The following DAGLA variants were observed in gnomAD, a reference collection of about 807,000 sequenced individuals.
The protein encoded by DAGLA is diacylglycerol lipase-alpha.
DAGLA carries 22 observed loss-of-function variants against 102.6 expected under a neutral mutation model. The observed-to-expected ratio is 0.21, with a 90% CI of 0.15 to 0.31. DAGLA has a LOEUF of 0.31. Ranked by LOEUF, DAGLA falls within the 10% of genes least tolerant of loss-of-function variation. The probability of loss-of-function intolerance (pLI) is 1.00; values close to 1 mark genes in which losing one functional copy is unlikely to be tolerated. For missense variants in DAGLA, 927 were observed against 1,446.6 expected (o/e 0.64, Z 5.83); for synonymous variants, 578 against 628.9 (o/e 0.92, Z 1.21).
chr11:61,744,317 TC>T lies in DAGLA; in HGVS notation c.2958del (p.Ser987HisfsTer17). 1.2e-6 allele frequency: 2 copies of T among 1,612,624 alleles called. No individual in the cohort carries two copies. The highest frequency in any genetic ancestry group is 2.7e-5 in the African/African-American group (2 of 74,998). On this transcript the variant is annotated frameshift_variant, in exon 20 of 20. Coordinates refer to ENST00000257215, the MANE Select transcript of DAGLA (RefSeq NM_006133.3). LOFTEE classifies it high-confidence loss of function. ...GGCTCAGCCGACCCCTCCTCGGGCATCTCACTCTCGCCCTCCTTCCCGCTCA... is the reference window on the plus strand; with the variant it reads ...GGCTCAGCCGACCCCTCCTCGGGCATTCACTCTCGCCCTCCTTCCCGCTCA... ...FAGSADPSSG[I>X]SLSPSFPLSS...
At chr11:61,716,574 C>G (rs2065237255) in intron 1 of DAGLA, among the ~76,000 whole-genome samples, 1 of 152,004 alleles carries the variant, frequency 6.6e-6, no homozygotes. Context: ...GGGCTCTGTG[C>G]TGGAGTCTGT....
In DAGLA at chr11:61,741,225, C is replaced by A; in HGVS notation, c.2047C>A (p.Pro683Thr). 6.2e-7 allele frequency: 1 copy of A among 1,613,604 alleles called. No individual in the cohort carries two copies. The highest frequency in any genetic ancestry group is 8.5e-7 in the Non-Finnish European group (1 of 1,180,016). Reference sequence around the variant, plus strand: ...CTCTGCAGCCAAGGTCATGGTGAGCCCTACCGAGGTGGACCTGACTCCTGA... The same window carrying A: ...CTCTGCAGCCAAGGTCATGGTGAGCACTACCGAGGTGGACCTGACTCCTGA... ...LLSAAKVMVS[P>T]TEVDLTPELI... Residue 683 changes from proline (P) to threonine (T), a missense_variant, in exon 19 of 20, where the codon CCT becomes ACT. This residue lies in a region of DAGLA where 218 missense variants were observed against 459.6 expected (regional missense o/e 0.47). Transcript: ENST00000257215.
At chr11:61,742,097 G>A (rs1237145795) in intron 19 of DAGLA, among the ~76,000 whole-genome samples, 1 of 152,166 alleles carries the variant, frequency 6.6e-6, no homozygotes, top group Admixed American at 6.5e-5. Flanking sequence ...ACATATACAA[G>A]GACACATGTG....
At chr11:61,738,835 G>A (rs972384489) in intron 16 of DAGLA, among the ~76,000 whole-genome samples, 3 of 143,190 alleles carry the variant, frequency 2.1e-5, no homozygotes, top group Non-Finnish European at 3.1e-5. Flanking sequence ...CCTGCCCCCC[G>A]CCCCCTGCCC....
Position 61,743,747 on chromosome 11 carries a change from G to T in DAGLA, c.2387G>T (p.Arg796Leu), listed in dbSNP as rs772632665. The change falls in exon 20 of 20, where the codon CGC (arginine) becomes CTC (leucine). Residue 796 changes from arginine to leucine, a missense_variant. Physicochemically the swap from Arg to Leu is moderately radical, Grantham distance 102. This residue lies in a region of DAGLA where 434 missense variants were observed against 503.3 expected (regional missense o/e 0.86). Coordinates refer to ENST00000257215, the MANE Select transcript of DAGLA (RefSeq NM_006133.3). The stretch of plus-strand genomic sequence containing the variant: ...TCCCTGTACAGCTTCGACTCGCGCC[G>T]CTCCTCAGGCTTCCGCAGCATCCGG... ...TESLYSFDSRRSSGFRSIRGS... is the reference protein window; with the variant it reads ...TESLYSFDSRLSSGFRSIRGS... 6.2e-7 allele frequency: 1 copy of T among 1,612,170 alleles called. No homozygotes were observed.
At chr11:61,718,215 C>T (rs547591406) in intron 1 of DAGLA, among the ~76,000 whole-genome samples, 2 of 152,146 alleles carry the variant, frequency 1.3e-5, no homozygotes, top group South Asian at 2.1e-4. Context: ...TCTGGGACAG[C>T]ACTGCTCCCT....
At position 61,734,766 on chromosome 11, in the gene DAGLA, A is replaced by C; in HGVS notation, c.975-83A>C. On this transcript the variant is annotated intron_variant, in intron 9 of 19. Coordinates refer to ENST00000257215, the MANE Select transcript of DAGLA (RefSeq NM_006133.3). The surrounding 1 kb of genome is among the most constrained non-coding windows in gnomAD (Gnocchi z 4.2). ...GCAGTGGGGCTGAATGCCCAACTGG[A>C]ACTGGTTCCAGGGACAGTGGCAGGA... The C allele has an allele frequency of 7.1e-7, 1 of 1,410,994 alleles. No individual in the cohort carries two copies. The allele number at this position is 1,410,994 out of a possible 1,614,324, so 87.4% of individuals were successfully genotyped here. A position where few individuals can be genotyped will look rare whatever the true frequency, so the allele number is the denominator to read the frequency against.
chr11:61,743,574 G>T lies in DAGLA; in HGVS notation c.2214G>T (p.Glu738Asp). 1 of 1,551,092 alleles carries T rather than the reference G, an allele frequency of 6.4e-7. No individual in the cohort carries two copies. The highest frequency in any genetic ancestry group is 1.4e-5 in the African/African-American group (1 of 73,196). The change falls in exon 20 of 20, where the codon GAG (glutamate) becomes GAT (aspartate). Residue 738 changes from glutamate to aspartate, a missense_variant. Glu to Asp is a conservative substitution (Grantham distance 45, BLOSUM62 2). Transcript: ENST00000257215. ...AGATGAGCCTGGAGGGCTTCTCGGA[G>T]GGGCGGCTGCTGTCGCCAGTGGTTG... ...QSEMSLEGFSEGRLLSPVVAA... is the reference protein window; with the variant it reads ...QSEMSLEGFSDGRLLSPVVAA...
At chr11:61,728,418 C>A in intron 7 of DAGLA, 131 bp downstream of exon 7, 1 of 1,152,396 alleles carries the variant, frequency 8.7e-7, no homozygotes, top group Non-Finnish European at 1.2e-6. Context: ...CTCTCTTGGA[C>A]CCTGGAGGTC....
intron 1 of DAGLA, among the ~76,000 whole-genome samples, chr11:61,709,039 C>G (rs958918562): frequency 6.6e-6 from 1 of 152,156 alleles, no homozygotes; most frequent in African/African-American, 2.4e-5. Flanking sequence ...TTCTGTGGCC[C>G]CTTTTGCCCT....
chr11:61,704,054 G>A (rs1411864026), intron 1 of DAGLA, among the ~76,000 whole-genome samples: 1 of 152,134 alleles, frequency 6.6e-6, no homozygotes, highest in African/African-American at 2.4e-5. Flanking sequence ...CTTCCTTCAG[G>A]GTATGGGGCA....
chr11:61,690,031 C>T (rs1178335323), intron 1 of DAGLA, among the ~76,000 whole-genome samples: 1 of 152,064 alleles, frequency 6.6e-6, no homozygotes, highest in Non-Finnish European at 1.5e-5. Flanking sequence ...GGGAGTGCAG[C>T]CCACCGGGTC....
At position 61,731,383 on chromosome 11, in the gene DAGLA, C is replaced by G. The variant is rs945133280; in HGVS notation, c.916C>G (p.Pro306Ala). 4 of 1,614,098 alleles carry G rather than the reference C, an allele frequency of 2.5e-6. No homozygotes were observed. Among genetic ancestry groups the G allele is most frequent in the Non-Finnish European group, 2.5e-6 (3 of 1,180,030 alleles). Residue 306 changes from proline to alanine, a missense_variant, in exon 9 of 20, where the codon CCC becomes GCC. Physicochemically the swap from Pro to Ala is conservative, Grantham distance 27. Transcript: ENST00000257215. ...MLFALAAYGWPMYLMRKPACG... is the reference protein window; with the variant it reads ...MLFALAAYGWAMYLMRKPACG... ...CTTTGCCCTGGCTGCCTACGGGTGG[C>G]CCATGTACCTGATGCGGAAGCCCGC... is the stretch of plus-strand genomic sequence containing the variant.
chr11:61,725,865 C>G (rs1050047191), intron 5 of DAGLA, 130 bp from the exon 6 acceptor site: 1 of 849,382 alleles, frequency 1.2e-6, no homozygotes, highest in South Asian at 1.5e-5. Context: ...CCTGTTCTCC[C>G]CCAGAACCCA....
intron 1 of DAGLA, among the ~76,000 whole-genome samples, chr11:61,681,685 G>A (rs1164747159): frequency 6.6e-6 from 1 of 152,054 alleles, no homozygotes; most frequent in Non-Finnish European, 1.5e-5. Flanking sequence ...TGCAGCCACT[G>A]GGAATCTGCT....
At chr11:61,710,140 C>T (rs534772204) in intron 1 of DAGLA, among the ~76,000 whole-genome samples, 4 of 152,248 alleles carry the variant, frequency 2.6e-5, no homozygotes, top group African/African-American at 9.6e-5. Flanking sequence ...TTCACTGAGG[C>T]GTTGCCAGCA....
At position 61,684,834 on chromosome 11, in the gene DAGLA, G is replaced by A. The variant is rs1036987183; in HGVS notation, c.-45+4330G>A. 1.3e-5 allele frequency among the ~76,000 whole-genome samples: 2 copies of A among 152,044 alleles called. No homozygotes were observed. Among genetic ancestry groups the A allele is most frequent in the African/African-American group, 4.8e-5 (2 of 41,382 alleles). On this transcript the variant is annotated intron_variant, in intron 1 of 19. Coordinates refer to ENST00000257215, the MANE Select transcript of DAGLA (RefSeq NM_006133.3). This position sits in a 1 kb window ranked among gnomAD's most constrained non-coding sequence, Gnocchi z 4.5. The stretch of plus-strand genomic sequence containing the variant: ...TGGGTGTGCGGAGCTGGGGGTTGCC[G>A]GGCTCTTCACAGCAGGAGGGAACAG...
intron 1 of DAGLA, among the ~76,000 whole-genome samples, chr11:61,713,873 A>G (rs546716846): frequency 6.6e-6 from 1 of 152,332 alleles, no homozygotes; most frequent in South Asian, 2.1e-4. Context: ...CGGATGGACC[A>G]CGAGAGCATA....
intron 3 of DAGLA, among the ~76,000 whole-genome samples, chr11:61,721,262 C>T (rs894059031): frequency 6.6e-5 from 10 of 152,064 alleles, no homozygotes; most frequent in African/African-American, 2.4e-4. Flanking sequence ...GGTGTGGTGG[C>T]ACACGCCTGT....
Sources: allele counts gnomAD v4.1 joint callset (sites outside exome capture counted in the v4.1 genomes callset), GRCh38; gene constraint gnomAD v4.1.1; regional missense constraint gnomAD v4.1.1; non-coding constraint Gnocchi (gnomAD v3.1); transcripts MANE v1.5; gene names NCBI Gene and HGNC (gene_info 2026-07-23, HGNC 2026-07-21).